LGALS9: variants seen among roughly 807,000 people sequenced by gnomAD.
The protein encoded by LGALS9 is galectin 9.
In LGALS9, 26 loss-of-function variants were observed where a neutral mutation model predicts 35.9. That is an observed-to-expected ratio of 0.72 (90% confidence interval 0.53 to 1.01). LGALS9 has a LOEUF of 1.01. Ranked by LOEUF, LGALS9 falls within the 50% of genes least tolerant of loss-of-function variation. The probability of loss-of-function intolerance (pLI) is 0.00; values close to 1 mark genes in which losing one functional copy is unlikely to be tolerated. For missense variants in LGALS9, 347 were observed against 445.8 expected, an observed-to-expected ratio of 0.78 and a Z score of 1.99; for synonymous variants, 149 against 172.2, an observed-to-expected ratio of 0.87 and a Z score of 1.06.
At chr17:27,648,778 C>T (rs1598192115) in intron 10 of LGALS9, 58 bp from the exon 11 acceptor site, 1 of 1,610,230 alleles carries the variant, frequency 6.2e-7, no homozygotes. Flanking sequence ...AGAGAGGAGG[C>T]TGCAGTGAGG....
intron 6 of LGALS9, chr17:27,645,637 G>T (rs1374630997): frequency 5.0e-6 from 3 of 601,204 alleles, no homozygotes; most frequent in East Asian, 5.7e-5. Context: ...GGAAAGATGG[G>T]CCAGAGCCAC....
At chr17:27,643,743 G>C in intron 5 of LGALS9, 123 bp downstream of exon 5, 10 of 1,427,230 alleles carry the variant, frequency 7.0e-6, no homozygotes, top group Non-Finnish European at 9.3e-6. Context: ...CCACCCAAGA[G>C]TTCCCTGTCT....
At chr17:27,647,496 G>T in intron 10 of LGALS9, 64 bp downstream of exon 10, 2 of 1,594,686 alleles carry the variant, frequency 1.3e-6, no homozygotes, top group Non-Finnish European at 8.5e-7. Context: ...GGGGGTAAAG[G>T]AGGTTTGAGG....
intron 9 of LGALS9, 44 bp downstream of exon 9, chr17:27,647,162 C>G (rs1326679309): frequency 6.2e-7 from 1 of 1,613,978 alleles, no homozygotes; most frequent in African/African-American, 1.3e-5. Flanking sequence ...GAGAGCCCTT[C>G]AAGGTCAGTC....
At chr17:27,642,147 T>C in intron 3 of LGALS9, 91 bp from the exon 4 acceptor site, 1 of 1,536,470 alleles carries the variant, frequency 6.5e-7, no homozygotes, top group Non-Finnish European at 8.8e-7. Flanking sequence ...ACTCAGGTCT[T>C]CATTTTCTAG....
intron 10 of LGALS9, 77 bp downstream of exon 10, chr17:27,647,509 C>A (rs931479412): frequency 1.9e-6 from 3 of 1,578,238 alleles, no homozygotes; most frequent in Non-Finnish European, 1.7e-6. Flanking sequence ...GTTTGAGGTA[C>A]CTTGAACAGT....
At position 27,643,569 on chromosome 17, in the gene LGALS9, G is replaced by A. The variant is rs201686705; in HGVS notation, c.489G>A (p.Pro163=). 1,497 of 1,610,942 alleles carry A rather than the reference G, an allele frequency of 9.3e-4. 9 individuals carry two copies. Among genetic ancestry groups the A allele is most frequent in the African/African-American group, 6.4e-3 (477 of 74,750 alleles). ...TTCAGCCTGCCTTCTCCACGGTGCC[G>A]TTCTCCCAGCCTGTCTGTTTCCCAC... The part of the protein sequence containing the change: ...VPVQPAFSTV[P]FSQPVCFPPR... Residue 163 remains proline (P), a synonymous_variant, in exon 5 of 11, where the codon CCG becomes CCA. Transcript: ENST00000395473.
At chr17:27,632,817 C>T (rs1252534905) in intron 1 of LGALS9, among the ~76,000 whole-genome samples, 1 of 152,220 alleles carries the variant, frequency 6.6e-6, no homozygotes, top group African/African-American at 2.4e-5. Flanking sequence ...ACCCCTCTAC[C>T]CCACGGGGGC....
intron 1 of LGALS9, among the ~76,000 whole-genome samples, chr17:27,633,223 T>C (rs2074409388): frequency 6.6e-6 from 1 of 152,232 alleles, no homozygotes; most frequent in Admixed American, 6.5e-5. Context: ...TGTGCCTCAG[T>C]TTCCTCATCT....
chr17:27,640,403 CA>C, intron 2 of LGALS9, 168 bp from the exon 3 acceptor site: 1 of 996,198 alleles, frequency 1.0e-6, no homozygotes, highest in Non-Finnish European at 1.5e-6. Context: ...AACAAAAACA[CA>C]TTAGATCCCA....
chr17:27,639,775 C>T (rs543601010), intron 2 of LGALS9, among the ~76,000 whole-genome samples: 2 of 152,046 alleles, frequency 1.3e-5, no homozygotes, highest in Non-Finnish European at 2.9e-5. Flanking sequence ...TCTCGCTCTG[C>T]CACCAGGCTG....
chr17:27,648,785 G>A (rs772057495), intron 10 of LGALS9, 51 bp from the exon 11 acceptor site: 5 of 1,611,368 alleles, frequency 3.1e-6, no homozygotes, highest in East Asian at 2.2e-5. Flanking sequence ...AGGCTGCAGT[G>A]AGGGTGGAGG....
intron 10 of LGALS9, 60 bp downstream of exon 10, chr17:27,647,492 A>G: frequency 1.2e-6 from 2 of 1,601,360 alleles, no homozygotes; most frequent in South Asian, 1.1e-5. Flanking sequence ...GGGAGGGGGT[A>G]AAGGAGGTTT....
At chr17:27,647,572 C>A (rs996774978) in intron 10 of LGALS9, 140 bp downstream of exon 10, 1 of 1,196,730 alleles carries the variant, frequency 8.4e-7, no homozygotes, top group Non-Finnish European at 1.1e-6. Context: ...AGGTGGCCAA[C>A]AAATTATTAT....
At chr17:27,647,485 A>AG in intron 10 of LGALS9, 53 bp downstream of exon 10, 1 of 1,604,172 alleles carries the variant, frequency 6.2e-7, no homozygotes, top group Non-Finnish European at 8.5e-7. Flanking sequence ...GCACAGGGGG[A>AG]GGGGGTAAAG....
chr17:27,634,414 G>A (rs1249076597), intron 1 of LGALS9, among the ~76,000 whole-genome samples: 1 of 152,084 alleles, frequency 6.6e-6, no homozygotes, highest in Non-Finnish European at 1.5e-5. Context: ...AGCCAGGTGT[G>A]GTGGTGCATG....
rs751582366 is a variant in LGALS9 at position 27,640,592 on chromosome 17, C to T, written c.152C>T (p.Thr51Ile). 1.2e-6 allele frequency: 2 copies of T among 1,614,110 alleles called. No homozygotes were observed. The highest frequency in any genetic ancestry group is 3.3e-5 in the Admixed American group (2 of 60,028). ...SGTRFAVNFQ[T>I]GFSGNDIAFH... ...CCTAGGTTTGCTGTGAACTTTCAGA[C>T]TGGCTTCAGTGGAAATGACATTGCC... Residue 51 changes from threonine to isoleucine, a missense_variant, in exon 3 of 11, where the codon ACT (threonine) becomes ATT (isoleucine). Transcript: ENST00000395473.
chr17:27,631,317 G>T lies in LGALS9; in HGVS notation c.39+13G>T. On this transcript the variant is annotated intron_variant, in intron 1 of 10. Transcript: ENST00000395473. Reference sequence around the variant, plus strand: ...CTACCTGAGTCCAGTGAGTTCCAGGGCTATGGGCACAGGGCTGCCTCAGCC... The same window carrying T: ...CTACCTGAGTCCAGTGAGTTCCAGGTCTATGGGCACAGGGCTGCCTCAGCC... 2 of 1,614,158 alleles carry T rather than the reference G, an allele frequency of 1.2e-6. No homozygotes were observed. The highest frequency in any genetic ancestry group is 4.5e-5 in the East Asian group (2 of 44,880).
chr17:27,631,334 G>T (rs752651051), intron 1 of LGALS9, 30 bp downstream of exon 1: 1 of 1,614,088 alleles, frequency 6.2e-7, no homozygotes. Flanking sequence ...GCACAGGGCT[G>T]CCTCAGCCAG....
Sources: gnomAD v4.1 joint callset for allele counts (sites outside exome capture counted in the v4.1 genomes callset) on GRCh38, gnomAD v4.1.1 for gene constraint, MANE v1.5 for transcripts, NCBI Gene and HGNC (gene_info 2026-07-23, HGNC 2026-07-21) for gene names.